GALNT17: variants seen among roughly 807,000 people sequenced by gnomAD.
The protein encoded by GALNT17 is polypeptide N-acetylgalactosaminyltransferase 17.
A neutral mutation model predicts 63.7 loss-of-function variants in GALNT17; 29 were observed. The observed-to-expected ratio is 0.46, with a 90% confidence interval of 0.34 to 0.62. The LOEUF is 0.62. Ranked by LOEUF, GALNT17 falls within the 20% of genes least tolerant of loss-of-function variation. The probability of loss-of-function intolerance (pLI) is 0.01; values close to 1 mark genes in which losing one functional copy is unlikely to be tolerated. For missense variants in GALNT17, 603 were observed against 799.6 expected, an observed-to-expected ratio of 0.75 and a Z score of 2.97; for synonymous variants, 305 against 318.3, an observed-to-expected ratio of 0.96 and a Z score of 0.45.
At chr7:71,239,332 G>A (rs1636490) in intron 1 of GALNT17, among the ~76,000 whole-genome samples, 4 of 152,010 alleles carry the variant, frequency 2.6e-5, no homozygotes, top group Non-Finnish European at 5.9e-5. Flanking sequence ...AATTAGCTGG[G>A]CATGGTGGTA....
intron 1 of GALNT17, among the ~76,000 whole-genome samples, chr7:71,283,701 CG>C (rs1431298484): frequency 6.6e-6 from 1 of 152,004 alleles, no homozygotes; most frequent in African/African-American, 2.4e-5. Flanking sequence ...CCCATGCTGC[CG>C]TTCTTGTGAG....
chr7:71,479,994 G>A (rs967956395), intron 5 of GALNT17, among the ~76,000 whole-genome samples: 1 of 152,044 alleles, frequency 6.6e-6, no homozygotes, highest in South Asian at 2.1e-4. Flanking sequence ...CAACAGAGCA[G>A]CTCTATCCTT....
chr7:71,540,359 C>T, intron 5 of GALNT17, among the ~76,000 whole-genome samples: 1 of 149,512 alleles, frequency 6.7e-6, no homozygotes, highest in East Asian at 2.0e-4. Context: ...TCAAGTGATC[C>T]ACCCACCTTC....
chr7:71,243,138 C>G (rs117255783), intron 1 of GALNT17, among the ~76,000 whole-genome samples: 9,551 of 152,118 alleles, frequency 0.063, 404 homozygotes, highest in Non-Finnish European at 0.096. Context: ...AGTGATTTCT[C>G]ACGAGATCTG....
chr7:71,476,729 A>G (rs1397231286), intron 5 of GALNT17, among the ~76,000 whole-genome samples: 1 of 152,180 alleles, frequency 6.6e-6, no homozygotes, highest in Non-Finnish European at 1.5e-5. Context: ...CTGCCACTAA[A>G]GATCTTAACA....
intron 1 of GALNT17, among the ~76,000 whole-genome samples, chr7:71,265,118 A>ATATATATAT (rs1390488895): frequency 2.7e-5 from 1 of 37,460 alleles, no homozygotes; most frequent in African/African-American, 6.9e-5. Context: ...ATATATATAT[A>ATATATATAT]TTTTTTTTTT....
rs145181193 is a variant in GALNT17, at chr7:71,282,507, G to A, written c.239-53043G>A. On this transcript the variant is annotated intron_variant, in intron 1 of 10. Transcript: ENST00000333538. ...CAGGCACATAGCAGATGCCCATTCC[G>A]TATTTGTTGAATGAGTGAATGGAAG... Among the ~76,000 whole-genome samples, 113 of 152,336 alleles carry A rather than the reference G, an allele frequency of 7.4e-4. 3 individuals are homozygous for A. In the South Asian group the frequency reaches 0.013, roughly 18 times the overall value.
intron 5 of GALNT17, among the ~76,000 whole-genome samples, chr7:71,544,617 G>T (rs1273943098): frequency 6.6e-6 from 1 of 152,118 alleles, no homozygotes; most frequent in Non-Finnish European, 1.5e-5. Context: ...CAAAGCCCAG[G>T]ATAGAAAATA....
chr7:71,612,421 A>G (rs528900209), intron 6 of GALNT17, among the ~76,000 whole-genome samples: 32 of 152,310 alleles, frequency 2.1e-4, no homozygotes, highest in African/African-American at 7.2e-4. Flanking sequence ...GTGGACCACC[A>G]GCATCCAGCT....
At chr7:71,473,038 C>A (rs1309370276) in intron 5 of GALNT17, among the ~76,000 whole-genome samples, 1 of 152,272 alleles carries the variant, frequency 6.6e-6, no homozygotes, top group East Asian at 1.9e-4. Context: ...GGAAAGTATA[C>A]ATTGGCTCAG....
intron 5 of GALNT17, among the ~76,000 whole-genome samples, chr7:71,423,429 A>C (rs895040462): frequency 5.3e-5 from 8 of 152,178 alleles, no homozygotes; most frequent in African/African-American, 1.9e-4. Flanking sequence ...TTGAGGACCA[A>C]ACTGACTCTA....
chr7:71,569,504 T>C (rs1584057510), intron 5 of GALNT17, among the ~76,000 whole-genome samples: 1 of 152,168 alleles, frequency 6.6e-6, no homozygotes, highest in African/African-American at 2.4e-5. Context: ...TGTTTAACTC[T>C]CACTTACAAG....
chr7:71,685,187 T>C (rs988802473), intron 9 of GALNT17, among the ~76,000 whole-genome samples: 1 of 152,060 alleles, frequency 6.6e-6, no homozygotes, highest in East Asian at 1.9e-4. Flanking sequence ...GAATGGAACA[T>C]GAAAGCCCAG....
intron 1 of GALNT17, among the ~76,000 whole-genome samples, chr7:71,149,440 T>C (rs1365194360): frequency 1.3e-5 from 2 of 152,054 alleles, no homozygotes; most frequent in African/African-American, 2.4e-5. Flanking sequence ...GATTGAGTCT[T>C]GCTCGGTTGG....
chr7:71,523,691 A>G (rs1788566754), intron 5 of GALNT17, among the ~76,000 whole-genome samples: 1 of 151,288 alleles, frequency 6.6e-6, no homozygotes, highest in South Asian at 2.1e-4. Flanking sequence ...GCAGAGAGCT[A>G]TGATTGTGCC....
intron 1 of GALNT17, among the ~76,000 whole-genome samples, chr7:71,143,814 A>G (rs1704325188): frequency 6.6e-6 from 1 of 151,458 alleles, no homozygotes. Context: ...CTAAGGTGGG[A>G]GGATCACTTG....
chr7:71,702,335 G>A (rs1038155966), intron 9 of GALNT17, among the ~76,000 whole-genome samples: 1 of 152,140 alleles, frequency 6.6e-6, no homozygotes, highest in Non-Finnish European at 1.5e-5. Context: ...CAAGAGAGAA[G>A]GAACAGCCAG....
At chr7:71,555,809 C>T (rs1032717109) in intron 5 of GALNT17, among the ~76,000 whole-genome samples, 15 of 152,340 alleles carry the variant, frequency 9.8e-5, no homozygotes, top group Middle Eastern at 6.8e-3. Flanking sequence ...CTGGCTTCAC[C>T]GGTCTGCTGT....
rs1291949098 is a variant in GALNT17 at position 71,151,635 on chromosome 7, A to AG, written c.238+18595_238+18596insG. Among the ~76,000 whole-genome samples, 187 of 148,686 alleles carry AG rather than the reference A, an allele frequency of 1.3e-3. 2 individuals are homozygous for AG. The highest frequency in any genetic ancestry group is 4.5e-3 in the African/African-American group (181 of 40,530). On this transcript the variant is annotated intron_variant, in intron 1 of 10. Coordinates refer to ENST00000333538, the MANE Select transcript of GALNT17 (RefSeq NM_022479.3). ...ACTCCATCTCAAAAAAAAGAAAAGA[A>AG]AAAAAAAAAAAAGAAAATAGCCTTG...
Sources: allele counts gnomAD v4.1 joint callset (sites outside exome capture counted in the v4.1 genomes callset), GRCh38; gene constraint gnomAD v4.1.1; transcripts MANE v1.5; gene names NCBI Gene and HGNC (gene_info 2026-07-23, HGNC 2026-07-21).